Variants in MEGF11 observed in about 807,000 individuals in gnomAD.
The protein encoded by MEGF11 is multiple EGF like domains 11, also known as multiple epidermal growth factor-like domains protein 11.
Under a neutral mutation model 146.6 loss-of-function variants are expected in MEGF11, and 126 were observed. The observed-to-expected ratio is 0.86, with a 90% CI of 0.74 to 1.00. MEGF11 has a LOEUF of 1.00. MEGF11 is among the 50% of genes least tolerant of loss of function. MEGF11 has a pLI of 0.00. For synonymous variants in MEGF11, 532 were observed against 583.4 expected (o/e 0.91, Z 1.27); for missense variants, 1,509 against 1,521.2 (o/e 0.99, Z 0.13).
At chr15:65,990,621 AAAG>A (rs1787398518) in intron 5 of MEGF11, among the ~76,000 whole-genome samples, 1 of 134,966 alleles carries the variant, frequency 7.4e-6, no homozygotes, top group African/African-American at 2.7e-5. Flanking sequence ...AAAAAAAAGA[AAAG>A]AAAAAAAGAG....
intron 13 of MEGF11, 136 bp from the exon 14 acceptor site, chr15:65,923,105 G>A (rs1048205031): frequency 9.7e-6 from 9 of 932,534 alleles, no homozygotes; most frequent in Non-Finnish European, 1.4e-5. Flanking sequence ...GAGAAACCCG[G>A]CTGAGGCTTG....
chr15:66,248,985 G>C (rs1250362686), intron 1 of MEGF11, among the ~76,000 whole-genome samples: 2 of 152,268 alleles, frequency 1.3e-5, no homozygotes, highest in East Asian at 3.9e-4. Context: ...ACTCTTTTAT[G>C]GTTCTTTTCT....
At chr15:66,210,091 G>A (rs1438519411) in intron 1 of MEGF11, among the ~76,000 whole-genome samples, 1 of 152,134 alleles carries the variant, frequency 6.6e-6, no homozygotes, top group East Asian at 1.9e-4. Flanking sequence ...CTCCGAAAGT[G>A]TTGGGGTTAC....
intron 5 of MEGF11, among the ~76,000 whole-genome samples, chr15:65,983,832 A>G (rs2081746858): frequency 6.6e-6 from 1 of 152,196 alleles, no homozygotes; most frequent in South Asian, 2.1e-4. Flanking sequence ...TAGACTCAAT[A>G]TAAGCAAAGA....
At chr15:66,216,685 C>T (rs867162237) in intron 1 of MEGF11, among the ~76,000 whole-genome samples, 1 of 152,168 alleles carries the variant, frequency 6.6e-6, no homozygotes, top group Non-Finnish European at 1.5e-5. Flanking sequence ...GTCAGAAGTA[C>T]AGAAATCTGG....
At chr15:66,131,656 C>T (rs996325262) in intron 1 of MEGF11, among the ~76,000 whole-genome samples, 1 of 152,170 alleles carries the variant, frequency 6.6e-6, no homozygotes, top group Non-Finnish European at 1.5e-5. Flanking sequence ...GAACACTAGT[C>T]CCATGAGACA....
chr15:66,056,071 C>G (rs963185420), intron 5 of MEGF11, among the ~76,000 whole-genome samples: 1 of 152,158 alleles, frequency 6.6e-6, no homozygotes, highest in Non-Finnish European at 1.5e-5. Context: ...TGCAGAGTGT[C>G]AGGCTCCACA....
intron 5 of MEGF11, among the ~76,000 whole-genome samples, chr15:66,071,133 C>G (rs182713220): frequency 6.6e-6 from 1 of 152,126 alleles, no homozygotes; most frequent in Non-Finnish European, 1.5e-5. Context: ...CAAGGTCCAC[C>G]TTATAGAACT....
At chr15:65,993,417 T>C (rs2082113548) in intron 5 of MEGF11, among the ~76,000 whole-genome samples, 1 of 152,234 alleles carries the variant, frequency 6.6e-6, no homozygotes, top group African/African-American at 2.4e-5. Flanking sequence ...GCTTCTGATC[T>C]GTTTGCATCA....
intron 10 of MEGF11, among the ~76,000 whole-genome samples, chr15:65,935,596 GGAGAA>G (rs1322206051): frequency 1.3e-5 from 2 of 152,162 alleles, no homozygotes; most frequent in Admixed American, 6.5e-5. Flanking sequence ...TTGTTGAGTG[GGAGAA>G]GAGAAGAAAC....
At chr15:66,077,204 C>T (rs968281661) in intron 5 of MEGF11, among the ~76,000 whole-genome samples, 1 of 152,238 alleles carries the variant, frequency 6.6e-6, no homozygotes, top group Non-Finnish European at 1.5e-5. Context: ...CCACACTGAC[C>T]TGCTCAGCAC....
At chr15:65,934,844 C>T (rs1267833326) in intron 10 of MEGF11, among the ~76,000 whole-genome samples, 2 of 152,178 alleles carry the variant, frequency 1.3e-5, no homozygotes, top group African/African-American at 2.4e-5. Context: ...CTGGAGAGGG[C>T]ATGGAAGCTC....
intron 7 of MEGF11, among the ~76,000 whole-genome samples, chr15:65,973,537 T>C (rs1012566792): frequency 6.6e-6 from 1 of 152,192 alleles, no homozygotes; most frequent in Non-Finnish European, 1.5e-5. Context: ...GGAGGATCAC[T>C]TGAGCCCAGG....
chr15:66,224,977 C>T (rs1454041579), intron 1 of MEGF11, among the ~76,000 whole-genome samples: 1 of 152,142 alleles, frequency 6.6e-6, no homozygotes, highest in Non-Finnish European at 1.5e-5. Context: ...GCCAGCCCCT[C>T]TCCTCCTGGG....
At chr15:66,040,520 T>C (rs1489158988) in intron 5 of MEGF11, among the ~76,000 whole-genome samples, 2 of 137,514 alleles carry the variant, frequency 1.5e-5, no homozygotes, top group Non-Finnish European at 3.0e-5. Context: ...AGCGATACGT[T>C]CTCTGTCCTT....
At chr15:65,911,897 G>T (rs746434610) in intron 21 of MEGF11, among the ~76,000 whole-genome samples, 185 bp downstream of exon 21, 2 of 152,232 alleles carry the variant, frequency 1.3e-5, no homozygotes, top group Non-Finnish European at 2.9e-5. Context: ...TAACATGCTG[G>T]CTCCATTACA....
At chr15:66,156,065 G>A (rs528549235) in intron 1 of MEGF11, among the ~76,000 whole-genome samples, 10 of 152,256 alleles carry the variant, frequency 6.6e-5, no homozygotes, top group South Asian at 6.2e-4. Flanking sequence ...AAAGGGTCTC[G>A]ATGGCCACAC....
Position 65,898,017 on chromosome 15 carries a change from TC to T in MEGF11, c.3339del (p.Asn1114ThrfsTer13). Reference sequence around the variant, plus strand: ...TCATAATGACCAGGAATATGGCTGTTCCTAGGTAGGTCGTATGCATTCTGGA... The same window carrying T: ...TCATAATGACCAGGAATATGGCTGTTCTAGGTAGGTCGTATGCATTCTGGA... The part of the protein sequence containing the change: ...SYIQNAYDLP[R>X]NSHIPGHYDL... On this transcript the variant is annotated frameshift_variant, in exon 26 of 26. Coordinates refer to ENST00000395614, the MANE Select transcript of MEGF11 (RefSeq NM_001385028.1). LOFTEE classifies it high-confidence loss of function. 6.2e-7 allele frequency: 1 copy of T among 1,614,032 alleles called. No homozygotes were observed. The highest frequency in any genetic ancestry group is 1.1e-5 in the South Asian group (1 of 91,082).
chr15:65,985,391 GC>G (rs1386450631), intron 5 of MEGF11, among the ~76,000 whole-genome samples: 1 of 151,710 alleles, frequency 6.6e-6, no homozygotes, highest in African/African-American at 2.4e-5. Flanking sequence ...ACAGAGACTA[GC>G]CACTTCTTCT....
Sources: gnomAD v4.1 joint callset for allele counts (sites outside exome capture counted in the v4.1 genomes callset) on GRCh38, gnomAD v4.1.1 for gene constraint, MANE v1.5 for transcripts, NCBI Gene and HGNC (gene_info 2026-07-23, HGNC 2026-07-21) for gene names.